The following CCSER1 variants were observed in gnomAD, a reference collection of about 807,000 sequenced individuals.
CCSER1 encodes serine-rich coiled-coil domain-containing protein 1.
CCSER1 carries 41 observed loss-of-function variants against 82.0 expected under a neutral mutation model. The ratio of observed to expected loss-of-function variants is 0.50; its 90% CI spans 0.39 to 0.65. The LOEUF (loss-of-function observed/expected upper bound fraction) is 0.65, where lower values mean the gene tolerates loss of function less well. CCSER1 is among the 30% of genes least tolerant of loss of function. The pLI is 0.00. For synonymous variants in CCSER1, 414 were observed against 383.9 expected (o/e 1.08, Z -0.92); for missense variants, 1,119 against 1,064.2 (o/e 1.05, Z -0.72).
intron 10 of CCSER1, among the ~76,000 whole-genome samples, chr4:91,303,734 G>A (rs958671615): frequency 6.6e-6 from 1 of 151,984 alleles, no homozygotes; most frequent in East Asian, 1.9e-4. Context: ...GGTCAAGGTT[G>A]CAGTGAGCTG....
rs1560528383 is a variant in CCSER1, at chr4:91,225,315, AATATATATGTATATATATTATATATG to A, written c.2217+139322_2217+139347del. On this transcript the variant is annotated intron_variant, in intron 10 of 10. Transcript: ENST00000509176. ...ATATATGTATATATATTATATATGT[AATATATATGTATATATATTATATATG>A]TAATATATATGTATATATATTATAT... Among the ~76,000 whole-genome samples, 151 of 128,362 alleles carry A rather than the reference AATATATATGTATATATATTATATATG, an allele frequency of 1.2e-3. 1 individual carries two copies. Among genetic ancestry groups the A allele is most frequent in the African/African-American group, 4.5e-3 (137 of 30,222 alleles). The allele number at this position is 128,362 out of a possible 152,430, so 84.2% of individuals were successfully genotyped here.
At chr4:91,308,570 C>G (rs1745234437) in intron 10 of CCSER1, among the ~76,000 whole-genome samples, 1 of 148,506 alleles carries the variant, frequency 6.7e-6, no homozygotes. Flanking sequence ...TTCATAGAGG[C>G]TATCCTTTAA....
At chr4:91,483,179 A>C (rs1758039067) in intron 10 of CCSER1, among the ~76,000 whole-genome samples, 1 of 152,184 alleles carries the variant, frequency 6.6e-6, no homozygotes, top group Non-Finnish European at 1.5e-5. Context: ...TAGACTAGTA[A>C]ATAGTGTCAT....
intron 10 of CCSER1, among the ~76,000 whole-genome samples, chr4:91,161,746 T>C (rs957019215): frequency 2.0e-5 from 3 of 152,246 alleles, no homozygotes; most frequent in East Asian, 1.9e-4. Context: ...TTTTTGCACA[T>C]TGATTTTCTA....
intron 10 of CCSER1, among the ~76,000 whole-genome samples, chr4:91,344,479 A>G (rs755726808): frequency 3.9e-5 from 6 of 152,210 alleles, no homozygotes; most frequent in Non-Finnish European, 8.8e-5. Flanking sequence ...GTGTAATGTA[A>G]TGTGTAGTAA....
chr4:90,372,941 G>A (rs116162471), intron 3 of CCSER1, among the ~76,000 whole-genome samples: 1,682 of 151,434 alleles, frequency 0.011, 40 homozygotes, highest in African/African-American at 0.039. Context: ...AGAAATAAAA[G>A]GATAAAGGAG....
At chr4:90,800,378 A>G (rs1323570180) in intron 7 of CCSER1, among the ~76,000 whole-genome samples, 1 of 152,094 alleles carries the variant, frequency 6.6e-6, no homozygotes, top group Non-Finnish European at 1.5e-5. Flanking sequence ...TTGTGATTAC[A>G]CACATAAGCT....
intron 10 of CCSER1, among the ~76,000 whole-genome samples, chr4:91,448,135 C>T (rs913529874): frequency 2.6e-5 from 4 of 152,022 alleles, no homozygotes; most frequent in Admixed American, 6.6e-5. Flanking sequence ...CCAAATTAAT[C>T]GGTCTCATTT....
chr4:91,108,955 G>A (rs1725865964), intron 10 of CCSER1, among the ~76,000 whole-genome samples: 1 of 152,208 alleles, frequency 6.6e-6, no homozygotes, highest in Non-Finnish European at 1.5e-5. Flanking sequence ...CATCAAATCA[G>A]CTGAGGACTC....
intron 9 of CCSER1, among the ~76,000 whole-genome samples, chr4:91,066,305 C>A (rs1397085406): frequency 6.6e-6 from 1 of 152,182 alleles, no homozygotes; most frequent in Non-Finnish European, 1.5e-5. Flanking sequence ...AGCTAATTAT[C>A]TTAAGGCTGT....
At position 90,590,307 on chromosome 4, in the gene CCSER1, C is replaced by T. The variant is rs560430326; in HGVS notation, c.1725-37718C>T. 1.6e-4 allele frequency among the ~76,000 whole-genome samples: 25 copies of T among 152,022 alleles called. No individual in the cohort carries two copies. The South Asian group carries it at 2.7e-3, about 16-fold the overall frequency. ...AAAAATAAAGAAGATTGGCCAGGTACGGTGTCTCATGCCTGTAATCCCAGC... is the reference window on the plus strand; with the variant it reads ...AAAAATAAAGAAGATTGGCCAGGTATGGTGTCTCATGCCTGTAATCCCAGC... On this transcript the variant is annotated intron_variant, in intron 5 of 10. Coordinates refer to ENST00000509176, the MANE Select transcript of CCSER1 (RefSeq NM_001145065.2).
chr4:90,272,331 G>T (rs1476427656), intron 1 of CCSER1, among the ~76,000 whole-genome samples: 1 of 152,114 alleles, frequency 6.6e-6, no homozygotes, highest in African/African-American at 2.4e-5. Flanking sequence ...AATCATCAGA[G>T]AAATACAAAT....
chr4:90,227,566 C>T (rs570771041), intron 1 of CCSER1, among the ~76,000 whole-genome samples: 12 of 152,236 alleles, frequency 7.9e-5, no homozygotes, highest in East Asian at 5.8e-4. Flanking sequence ...AGGAATTTTC[C>T]GAGCAAGTAG....
chr4:91,130,465 GAT>G (rs1727899637), intron 10 of CCSER1, among the ~76,000 whole-genome samples: 1 of 151,818 alleles, frequency 6.6e-6, no homozygotes. Flanking sequence ...AAGTATATGT[GAT>G]AGTGATCTGT....
chr4:91,474,785 G>GTATATATA (rs1757478592), intron 10 of CCSER1, among the ~76,000 whole-genome samples: 1 of 54,378 alleles, frequency 1.8e-5, no homozygotes, highest in African/African-American at 7.0e-5. Context: ...ATATATATTT[G>GTATATATA]TGTATATATA....
intron 5 of CCSER1, among the ~76,000 whole-genome samples, chr4:90,555,144 C>A (rs1510793): frequency 0.94 from 143,626 of 152,030 alleles, 67,936 homozygotes; most frequent in East Asian, 1. Flanking sequence ...CTTCATTTTC[C>A]AAAAAGGGAA....
At chr4:90,174,844 G>C (rs1732371719) in intron 1 of CCSER1, among the ~76,000 whole-genome samples, 1 of 151,962 alleles carries the variant, frequency 6.6e-6, no homozygotes, top group Non-Finnish European at 1.5e-5. Context: ...CAATTAAAAA[G>C]ATTGATTGTA....
At chr4:91,190,420 A>G (rs774327367) in intron 10 of CCSER1, among the ~76,000 whole-genome samples, 11 of 152,138 alleles carry the variant, frequency 7.2e-5, no homozygotes, top group Non-Finnish European at 1.0e-4. Flanking sequence ...ATCTTCTTAT[A>G]TATCATATCC....
chr4:91,088,096 T>C (rs1341946095), intron 10 of CCSER1, among the ~76,000 whole-genome samples: 5 of 152,160 alleles, frequency 3.3e-5, no homozygotes, highest in Admixed American at 1.3e-4. Flanking sequence ...CATAACAAGA[T>C]GTACAATGTA....
Sources: allele counts gnomAD v4.1 joint callset (sites outside exome capture counted in the v4.1 genomes callset), GRCh38; gene constraint gnomAD v4.1.1; transcripts MANE v1.5; gene names NCBI Gene and HGNC (gene_info 2026-07-23, HGNC 2026-07-21).